The following DYRK4 variants were observed in gnomAD, a reference collection of about 807,000 sequenced individuals.
The protein encoded by DYRK4 is dual specificity tyrosine-phosphorylation-regulated kinase 4.
DYRK4 carries 64 observed loss-of-function variants against 68.3 expected under a neutral mutation model. The observed-to-expected ratio is 0.94, with a 90% confidence interval of 0.77 to 1.15. The LOEUF (loss-of-function observed/expected upper bound fraction) is 1.15. Among genes scored for constraint, DYRK4 ranks in the 50% most tolerant of loss-of-function variants. DYRK4 has a pLI of 0.00. For missense variants in DYRK4, 740 were observed against 764.7 expected (o/e 0.97, Z 0.38); for synonymous variants, 274 against 289.9 (o/e 0.95, Z 0.56).
intron 2 of DYRK4, among the ~76,000 whole-genome samples, chr12:4,585,712 G>T (rs1944890339): frequency 6.6e-6 from 1 of 152,134 alleles, no homozygotes; most frequent in South Asian, 2.1e-4. Flanking sequence ...CACCAACATG[G>T]CAAATGTATA....
chr12:4,566,587 G>T (rs1196253536), intron 1 of DYRK4, among the ~76,000 whole-genome samples: 1 of 152,204 alleles, frequency 6.6e-6, no homozygotes, highest in Non-Finnish European at 1.5e-5. Flanking sequence ...TCGATCACAT[G>T]CATTGTCATG....
intron 10 of DYRK4, among the ~76,000 whole-genome samples, chr12:4,601,510 A>C (rs1945079612): frequency 6.6e-6 from 1 of 152,204 alleles, no homozygotes; most frequent in Non-Finnish European, 1.5e-5. Flanking sequence ...GCTATTTGAA[A>C]AGAGAGATTT....
chr12:4,582,384 C>T (rs750140098), intron 2 of DYRK4, among the ~76,000 whole-genome samples: 55 of 152,238 alleles, frequency 3.6e-4, no homozygotes, highest in Admixed American at 1.2e-3. Context: ...GCGGAGGTTG[C>T]GGTGAGCCGA....
chr12:4,596,735 C>G lies in DYRK4; in HGVS notation c.905+6C>G. On this transcript the variant is annotated splice_donor_region_variant and intron_variant, in intron 8 of 14. Transcript: ENST00000543431. The stretch of plus-strand genomic sequence containing the variant: ...ATCACCTTTGAGCTCCTGGGGTCAG[C>G]TGCCTTTTCTTCTTAACTCATTTTC... 6.2e-7 allele frequency: 1 copy of G among 1,613,168 alleles called. No individual in the cohort carries two copies. Among genetic ancestry groups the G allele is most frequent in the Non-Finnish European group, 8.5e-7 (1 of 1,179,870 alleles).
intron 6 of DYRK4, among the ~76,000 whole-genome samples, chr12:4,594,707 G>GA (rs1944996404): frequency 8.8e-6 from 1 of 113,444 alleles, no homozygotes; most frequent in Admixed American, 8.8e-5. Flanking sequence ...TCTTAGAAAA[G>GA]CCTTTTTTTT....
intron 13 of DYRK4, 141 bp downstream of exon 13, chr12:4,610,425 A>T: frequency 1.2e-6 from 1 of 860,438 alleles, no homozygotes; most frequent in South Asian, 2.6e-5. Context: ...TAAAGTCTAC[A>T]AATTGCTTCC....
chr12:4,601,483 C>T (rs547149295), intron 10 of DYRK4, among the ~76,000 whole-genome samples: 8 of 152,220 alleles, frequency 5.3e-5, no homozygotes, highest in Non-Finnish European at 8.8e-5. Context: ...AATAAATTAA[C>T]GCTGTAATAC....
intron 2 of DYRK4, among the ~76,000 whole-genome samples, chr12:4,587,340 C>T (rs1380155551): frequency 1.3e-5 from 2 of 152,154 alleles, no homozygotes; most frequent in South Asian, 2.1e-4. Flanking sequence ...CAGAAGAGCG[C>T]CCCCTCTACC....
chr12:4,599,543 G>A, intron 9 of DYRK4, 164 bp from the exon 10 acceptor site: 1 of 594,020 alleles, frequency 1.7e-6, no homozygotes, highest in South Asian at 2.1e-5. Context: ...AAGTCAAATG[G>A]AAAGTCAGAG....
chr12:4,562,332 G>T, intron 1 of DYRK4, 49 bp downstream of exon 1: 2 of 1,511,592 alleles, frequency 1.3e-6, no homozygotes, highest in Non-Finnish European at 1.8e-6. Context: ...GCGCGAGTAC[G>T]AGGCAGGCGA....
chr12:4,598,015 G>C (rs879340389), intron 8 of DYRK4, among the ~76,000 whole-genome samples: 6 of 152,178 alleles, frequency 3.9e-5, no homozygotes, highest in Admixed American at 3.9e-4. Flanking sequence ...GCAGTGAGCT[G>C]AGATTGTGCC....
intron 1 of DYRK4, chr12:4,563,212 A>G: frequency 2.2e-6 from 1 of 452,640 alleles, no homozygotes; most frequent in Non-Finnish European, 4.4e-6. Context: ...AAATTCTTCA[A>G]ACATGCACTC....
At chr12:4,600,038 C>A (rs925560110) in intron 10 of DYRK4, among the ~76,000 whole-genome samples, 1 of 152,094 alleles carries the variant, frequency 6.6e-6, no homozygotes, top group South Asian at 2.1e-4. Flanking sequence ...AACAGTGAGC[C>A]CCAAAACTAA....
intron 2 of DYRK4, among the ~76,000 whole-genome samples, chr12:4,585,840 G>C (rs115230301): frequency 0.015 from 2,296 of 152,302 alleles, 47 homozygotes; most frequent in African/African-American, 0.051. Context: ...AAAAAGTTTG[G>C]AAGATAAAGA....
intron 6 of DYRK4, among the ~76,000 whole-genome samples, chr12:4,593,690 C>T (rs1408992563): frequency 6.6e-6 from 1 of 152,182 alleles, no homozygotes; most frequent in African/African-American, 2.4e-5. Flanking sequence ...CTGACTGTAG[C>T]CCTTGGCTTC....
Position 4,562,265 on chromosome 12 carries a change from C to T in DYRK4, c.20C>T (p.Pro7Leu). The T allele has an allele frequency of 3.3e-6, 5 of 1,532,616 alleles. No homozygotes were observed. The highest frequency in any genetic ancestry group is 4.4e-6 in the Non-Finnish European group (5 of 1,145,428). 94.9% of individuals were successfully genotyped at this position (1,532,616 alleles called of 1,614,324 possible). MQLLPP[P>L]IRTGTKTQMD... The stretch of plus-strand genomic sequence containing the variant: ...GGCCTCATGCAGCTCCTCCCGCCGC[C>T]TATCCGCACCGGAACAAAGTAAGGG... The change falls in exon 1 of 15, where the codon CCT becomes CTT. Residue 7 changes from proline to leucine, a missense_variant. Coordinates refer to ENST00000543431, the MANE Select transcript of DYRK4 (RefSeq NM_001394779.1).
At position 4,568,047 on chromosome 12, in the gene DYRK4, A is replaced by C; in HGVS notation, c.131A>C (p.Lys44Thr). 6.5e-7 allele frequency: 1 copy of C among 1,535,972 alleles called. No individual in the cohort carries two copies. Among genetic ancestry groups the C allele is most frequent in the Non-Finnish European group, 8.7e-7 (1 of 1,146,758 alleles). Residue 44 changes from lysine to threonine, a missense_variant and splice_region_variant, in exon 2 of 15, where the codon AAG (lysine) becomes ACG (threonine). By Grantham distance (78) the Lys-to-Thr change is moderately conservative. Around this residue, in one of 3 missense-constraint regions of DYRK4, gnomAD observed 70 missense variants for 71.1 expected, o/e 0.98. Transcript: ENST00000543431. ...ARKKQKFTSAKVGSKLSVQIQ... is the reference protein window; with the variant it reads ...ARKKQKFTSATVGSKLSVQIQ... ...AAGAAACAAAAGTTCACCTCTGCGAAGGTAAAGATCCTTGAATTTTCACTG... is the reference window on the plus strand; with the variant it reads ...AAGAAACAAAAGTTCACCTCTGCGACGGTAAAGATCCTTGAATTTTCACTG...
At chr12:4,575,818 G>T (rs1001365028) in intron 2 of DYRK4, among the ~76,000 whole-genome samples, 1 of 152,122 alleles carries the variant, frequency 6.6e-6, no homozygotes, top group Admixed American at 6.5e-5. Context: ...TTTGTCAGTT[G>T]TATGTGCTGC....
chr12:4,579,555 G>T (rs899791839), intron 2 of DYRK4, among the ~76,000 whole-genome samples: 4 of 152,116 alleles, frequency 2.6e-5, no homozygotes, highest in African/African-American at 9.7e-5. Context: ...CTGGAGTTAA[G>T]CAAGGAGGCT....
Sources: allele counts gnomAD v4.1 joint callset (sites outside exome capture counted in the v4.1 genomes callset), GRCh38; gene constraint gnomAD v4.1.1; regional missense constraint gnomAD v4.1.1; transcripts MANE v1.5; gene names NCBI Gene and HGNC (gene_info 2026-07-23, HGNC 2026-07-21).